The following KCNC4 variants were observed in gnomAD, a reference collection of about 807,000 sequenced individuals.
KCNC4 encodes voltage-gated potassium channel KCNC4.
KCNC4 carries 23 observed loss-of-function variants against 42.8 expected under a neutral mutation model. The observed-to-expected ratio is 0.54, with a 90% confidence interval of 0.39 to 0.76. The LOEUF (loss-of-function observed/expected upper bound fraction) is 0.76, where lower values mean the gene tolerates loss of function less well. Ranked by LOEUF, KCNC4 falls within the 30% of genes least tolerant of loss-of-function variation. The pLI, the probability that KCNC4 is intolerant of heterozygous loss-of-function variation, is 0.00. For synonymous variants in KCNC4, 422 were observed against 393.5 expected (o/e 1.07, Z -0.86); for missense variants, 751 against 898.2 (o/e 0.84, Z 2.10).
intron 1 of KCNC4, chr1:110,220,017 T>C (rs962998362): frequency 6.6e-6 from 1 of 151,996 alleles, no homozygotes; most frequent in Non-Finnish European, 1.5e-5. Flanking sequence ...ACAGTGGAGA[T>C]TGAGGCCCCA....
intron 1 of KCNC4, among the ~76,000 whole-genome samples, chr1:110,277,891 C>A (rs1659752319): frequency 6.6e-6 from 1 of 152,202 alleles, no homozygotes; most frequent in Non-Finnish European, 1.5e-5. Context: ...CTGGCTAATG[C>A]CTGTAATCCC....
exon 4 of KCNC4, chr1:110,239,489 G>T (rs1658982921): frequency 6.6e-6 from 1 of 152,128 alleles, no homozygotes; most frequent in Admixed American, 6.5e-5. Flanking sequence ...TTTCTTCATG[G>T]TACTTACAGT....
At chr1:110,275,954 C>CA (rs61372696) in intron 1 of KCNC4, among the ~76,000 whole-genome samples, 28,312 of 105,740 alleles carry the variant, frequency 0.27, 3,976 homozygotes, top group Non-Finnish European at 0.35. Context: ...GACTCCGCCT[C>CA]AAAAAAAAAA....
rs1403499652 is a variant in KCNC4 at position 110,210,521 on chromosome 1, C to T, written c.-979C>T. On this transcript the variant is annotated 5_prime_UTR_variant, in exon 1 of 4. Coordinates refer to ENST00000438661, the MANE Select transcript of KCNC4 (RefSeq NM_001039574.3). ...CCGCCAGATCGCAGGAACCAGGCGC[C>T]GGGGCGTTGCGCTGAGGCTCCCTCT... 4.6e-5 allele frequency among the ~76,000 whole-genome samples: 7 copies of T among 151,472 alleles called. No homozygotes were observed. Among genetic ancestry groups the T allele is most frequent in the Non-Finnish European group, 8.9e-5 (6 of 67,786 alleles).
chr1:110,242,918 C>T (rs569813603), exon 4 of KCNC4: 2 of 152,352 alleles, frequency 1.3e-5, no homozygotes, highest in East Asian at 1.9e-4. Context: ...CCACTGCCAT[C>T]GATTTCTGGT....
chr1:110,211,462 C>T lies in KCNC4; in HGVS notation c.-38C>T, dbSNP rs113402589. 1 of 1,574,592 alleles carries T rather than the reference C, an allele frequency of 6.4e-7. No homozygotes were observed. The highest frequency in any genetic ancestry group is 1.2e-5 in the South Asian group (1 of 86,190). ...CTCCTCGGGAAGGGTGTTTGGAGGG[C>T]AGCGGCCGCCCCAAGCCGGAGCCCC... On this transcript the variant is annotated 5_prime_UTR_variant, in exon 1 of 4. Coordinates refer to ENST00000438661, the MANE Select transcript of KCNC4 (RefSeq NM_001039574.3). The surrounding 1 kb of genome is among the most constrained non-coding windows in gnomAD (Gnocchi z 6.5).
chr1:110,273,150 C>A (rs1659663840), intron 1 of KCNC4, among the ~76,000 whole-genome samples: 1 of 152,196 alleles, frequency 6.6e-6, no homozygotes, highest in African/African-American at 2.4e-5. Context: ...TGAAAGAGGG[C>A]ATCTAGTTAG....
At chr1:110,244,366 CTCTG>C (rs1292774586) in exon 4 of KCNC4, 1 of 115,458 alleles carries the variant, frequency 8.7e-6, no homozygotes, top group Non-Finnish European at 1.8e-5. Context: ...CATAGCGAGA[CTCTG>C]TCTAAAAATA....
intron 1 of KCNC4, among the ~76,000 whole-genome samples, chr1:110,274,420 T>G (rs1002563149): frequency 2.0e-5 from 3 of 152,290 alleles, no homozygotes; most frequent in African/African-American, 7.2e-5. Flanking sequence ...TTAATATTGT[T>G]AAAATGACCA....
At position 110,229,411 on chromosome 1, in the gene KCNC4, TCTGCCCAGATTCAGTG is replaced by T. The variant is rs1571052433; in HGVS notation, c.1819+3234_1819+3249del. 7.2e-5 allele frequency among the ~76,000 whole-genome samples: 11 copies of T among 152,290 alleles called. No individual in the cohort carries two copies. The East Asian group carries it at 2.1e-3, about 29-fold the overall frequency. ...AGGGAGGCCCTTCCCTCAGGAAGCCTCTGCCCAGATTCAGTGGTGACTCCCACTGGCGGCACCTGGT... is the reference window on the plus strand; with the variant it reads ...AGGGAGGCCCTTCCCTCAGGAAGCCTGTGACTCCCACTGGCGGCACCTGGT... On this transcript the variant is annotated intron_variant, in intron 3 of 3. Coordinates refer to ENST00000438661, the MANE Select transcript of KCNC4 (RefSeq NM_001039574.3).
intron 1 of KCNC4, among the ~76,000 whole-genome samples, chr1:110,257,443 C>T (rs1055666790): frequency 1.1e-4 from 17 of 151,186 alleles, no homozygotes; most frequent in Admixed American, 9.9e-4. Context: ...GGACCGGGTG[C>T]GGTGGCTCAC....
chr1:110,213,197 A>AAAAAAAAAAT lies in KCNC4; in HGVS notation c.678+1020_678+1021insAAAAAAAAAT, dbSNP rs869067205. Among the ~76,000 whole-genome samples the AAAAAAAAAAT allele has an allele frequency of 1.7e-4, 25 of 147,160 alleles. 1 individual carries two copies. Among genetic ancestry groups the AAAAAAAAAAT allele is most frequent in the Non-Finnish European group, 3.0e-4 (20 of 66,424 alleles). ...AAAAAAAAAAAAAAAAAAAAAAAAAATCCCTGAAGGATGGCTTTAGATTCT... is the reference window on the plus strand; with the variant it reads ...AAAAAAAAAAAAAAAAAAAAAAAAAAAAAAAAAAATTCCCTGAAGGATGGCTTTAGATTCT... On this transcript the variant is annotated intron_variant, in intron 1 of 3. Coordinates refer to ENST00000438661, the MANE Select transcript of KCNC4 (RefSeq NM_001039574.3).
In KCNC4 at chr1:110,224,066, C is replaced by T. The variant is rs1658265300; in HGVS notation, c.1615+166C>T. The T allele has an allele frequency of 1.1e-5, 7 of 622,574 alleles. No individual in the cohort carries two copies. The East Asian group carries it at 1.9e-4, about 17-fold the overall frequency. 38.6% of individuals were successfully genotyped at this position (622,574 alleles called of 1,614,324 possible). The stretch of plus-strand genomic sequence containing the variant: ...AGTGTTGAGGCCGAATTTCTCTGTC[C>T]TCTGGCTGGGTCTCCGATAGCTTCC... On this transcript the variant is annotated intron_variant, in intron 2 of 3. Coordinates refer to ENST00000438661, the MANE Select transcript of KCNC4 (RefSeq NM_001039574.3).
chr1:110,239,015 GTC>G (rs1364581244), downstream of KCNC4: 1 of 152,118 alleles, frequency 6.6e-6, no homozygotes, highest in African/African-American at 2.4e-5. Context: ...GTCTCCCTGG[GTC>G]CCATCTGCCC....
At chr1:110,281,555 A>AACACAC (rs55839432) in intron 1 of KCNC4, among the ~76,000 whole-genome samples, 6,327 of 140,368 alleles carry the variant, frequency 0.045, 181 homozygotes, top group African/African-American at 0.073. Context: ...CATATGTAAA[A>AACACAC]ACACACACAC....
rs374117946 is a variant in KCNC4 at position 110,273,621 on chromosome 1, G to A, written n.31-8913G>A. On this transcript the variant is annotated intron_variant and non_coding_transcript_variant, in intron 1 of 2. Transcript: ENST00000412512. ...CCACCCTGGCCCTCTCCAGCAAATC[G>A]TGGAACTATGTGCTCCTGGTCACAG... is the stretch of plus-strand genomic sequence containing the variant. 7.9e-5 allele frequency among the ~76,000 whole-genome samples: 12 copies of A among 152,218 alleles called. No individual in the cohort carries two copies. The East Asian group carries it at 9.6e-4, about 12-fold the overall frequency.
intron 1 of KCNC4, chr1:110,257,066 G>A (rs886421325): frequency 6.5e-6 from 1 of 153,386 alleles, no homozygotes; most frequent in African/African-American, 2.4e-5. Flanking sequence ...GAACACTGAA[G>A]AAAATGAATG....
chr1:110,216,732 C>T (rs1388930035), intron 1 of KCNC4, among the ~76,000 whole-genome samples: 1 of 152,166 alleles, frequency 6.6e-6, no homozygotes, highest in East Asian at 1.9e-4. Context: ...GAGCTCTGTG[C>T]AACCCTCATT....
chr1:110,232,080 C>T (rs1658719719), intron 3 of KCNC4: 1 of 726,632 alleles, frequency 1.4e-6, no homozygotes, highest in South Asian at 1.7e-5. Flanking sequence ...CCTGCCCTAC[C>T]TGTGCTCCCA....
Sources: allele counts gnomAD v4.1 joint callset (sites outside exome capture counted in the v4.1 genomes callset), GRCh38; gene constraint gnomAD v4.1.1; non-coding constraint Gnocchi (gnomAD v3.1); transcripts MANE v1.5; gene names NCBI Gene and HGNC (gene_info 2026-07-23, HGNC 2026-07-21).